TTC6: variants seen among roughly 807,000 people sequenced by gnomAD.
The protein encoded by TTC6 is tetratricopeptide repeat domain 6.
Under a neutral mutation model 210.4 loss-of-function variants are expected in TTC6, and 172 were observed. The observed-to-expected ratio is 0.82, with a 90% confidence interval of 0.72 to 0.93. The LOEUF (loss-of-function observed/expected upper bound fraction) is 0.93, where lower values mean the gene tolerates loss of function less well. Among genes scored for constraint, TTC6 ranks in the 40% least tolerant of loss-of-function variants. The pLI is 0.00. For missense variants in TTC6, 2,414 were observed against 2,318.1 expected (o/e 1.04, Z -0.85); for synonymous variants, 804 against 819.6 (o/e 0.98, Z 0.32).
chr14:37,735,748 C>T (rs986535948), intron 7 of TTC6, among the ~76,000 whole-genome samples, 173 bp from the exon 10 acceptor site: 1 of 152,146 alleles, frequency 6.6e-6, no homozygotes, highest in African/African-American at 2.4e-5. Flanking sequence ...AATACTAAGG[C>T]TATAGCTGGA....
intron 1 of TTC6, among the ~76,000 whole-genome samples, chr14:37,604,653 G>A (rs1373644572): frequency 1.3e-5 from 2 of 152,066 alleles, no homozygotes; most frequent in East Asian, 3.9e-4. Context: ...TTGTGGTTTG[G>A]ATCTAGGAGG....
intron 1 of TTC6, among the ~76,000 whole-genome samples, chr14:37,677,578 A>G (rs1323075220): frequency 6.6e-6 from 1 of 152,080 alleles, no homozygotes; most frequent in East Asian, 1.9e-4. Flanking sequence ...CTCAGAGGTC[A>G]TTGAACTTAG....
intron 5 of TTC6, 130 bp from the exon 8 acceptor site, chr14:37,714,525 C>A: frequency 1.6e-6 from 1 of 607,574 alleles, no homozygotes; most frequent in African/African-American, 1.9e-5. Flanking sequence ...CTGACTTCTA[C>A]ACAATCTCTG....
At chr14:37,729,463 A>G (rs2095880495) in intron 7 of TTC6, among the ~76,000 whole-genome samples, 1 of 152,198 alleles carries the variant, frequency 6.6e-6, no homozygotes, top group Non-Finnish European at 1.5e-5. Context: ...ATTTGCTCCA[A>G]GGCCATGCTT....
At chr14:37,725,310 G>GTGTGTGTATGTATA (rs1555391391) in intron 7 of TTC6, among the ~76,000 whole-genome samples, 1 of 55,732 alleles carries the variant, frequency 1.8e-5, no homozygotes, top group Non-Finnish European at 3.7e-5. Context: ...GTGTGTGTGT[G>GTGTGTGTATGTATA]TGTATATATA....
chr14:37,756,282 T>C (rs1319766972), intron 14 of TTC6, among the ~76,000 whole-genome samples: 2 of 152,196 alleles, frequency 1.3e-5, no homozygotes, highest in East Asian at 3.9e-4. Context: ...TATACAATCA[T>C]GTCGTCTGCA....
intron 1 of TTC6, among the ~76,000 whole-genome samples, chr14:37,651,757 A>G (rs2095713535): frequency 6.6e-6 from 1 of 151,918 alleles, no homozygotes; most frequent in African/African-American, 2.4e-5. Context: ...GTGAGTAGCC[A>G]CTGCACTTCA....
intron 20 of TTC6, among the ~76,000 whole-genome samples, chr14:37,798,328 A>G (rs2096097426): frequency 6.6e-6 from 1 of 151,906 alleles, no homozygotes; most frequent in Admixed American, 6.6e-5. Flanking sequence ...TTACATATCC[A>G]TTGCTAAAAG....
At chr14:37,828,822 C>G (rs2139006534) in intron 29 of TTC6, among the ~76,000 whole-genome samples, 1 of 151,908 alleles carries the variant, frequency 6.6e-6, no homozygotes, top group East Asian at 1.9e-4. Flanking sequence ...AATTAGTTTA[C>G]ATTCATACTT....
chr14:37,665,692 A>G (rs1308723261), intron 1 of TTC6, among the ~76,000 whole-genome samples: 1 of 150,598 alleles, frequency 6.6e-6, no homozygotes, highest in African/African-American at 2.4e-5. Context: ...GGCAAAATTA[A>G]CCTTGAGCAT....
At chr14:37,812,517 G>A in intron 25 of TTC6, 84 bp downstream of exon 27, 2 of 1,326,582 alleles carry the variant, frequency 1.5e-6, no homozygotes, top group Non-Finnish European at 2.0e-6. Context: ...ATTATCAACT[G>A]GCAATATTAA....
At chr14:37,739,969 G>C (rs1566923181) in intron 10 of TTC6, among the ~76,000 whole-genome samples, 1 of 151,736 alleles carries the variant, frequency 6.6e-6, no homozygotes, top group African/African-American at 2.4e-5. Context: ...CGAGACCATC[G>C]TGGCTAACGC....
chr14:37,621,145 G>A (rs1040212060), upstream of TTC6, among the ~76,000 whole-genome samples: 1 of 152,172 alleles, frequency 6.6e-6, no homozygotes, highest in Admixed American at 6.5e-5. Flanking sequence ...TAAGGAAGGG[G>A]ACACCTGGGA....
At chr14:37,721,981 G>A (rs1348936367) in intron 6 of TTC6, among the ~76,000 whole-genome samples, 6 of 147,502 alleles carry the variant, frequency 4.1e-5, no homozygotes, top group Non-Finnish European at 3.0e-5. Flanking sequence ...AGTGAAAAAG[G>A]CAAATAATCT....
At chr14:37,602,459 A>C (rs2095617483) in intron 1 of TTC6, among the ~76,000 whole-genome samples, 1 of 152,068 alleles carries the variant, frequency 6.6e-6, no homozygotes, top group Non-Finnish European at 1.5e-5. Context: ...TTCATCCTTA[A>C]ATTTTATTTG....
intron 1 of TTC6, 146 bp downstream of exon 1, chr14:37,596,154 C>T (rs1331007201): frequency 2.0e-5 from 3 of 152,430 alleles, no homozygotes; most frequent in East Asian, 1.9e-4. Context: ...GCAGGCGGAC[C>T]CAAGTCGGGC....
intron 3 of TTC6, among the ~76,000 whole-genome samples, chr14:37,693,070 T>C (rs1372530580): frequency 6.6e-6 from 1 of 151,834 alleles, no homozygotes; most frequent in African/African-American, 2.4e-5. Context: ...CAGGAAGAAA[T>C]AAAAGGCATC....
intron 1 of TTC6, among the ~76,000 whole-genome samples, chr14:37,597,424 G>A (rs1447558716): frequency 1.3e-5 from 2 of 151,702 alleles, no homozygotes; most frequent in Admixed American, 1.3e-4. Context: ...AGCTTTTATA[G>A]TGCACAAAAA....
chr14:37,806,254 A>T, intron 21 of TTC6, 107 bp from the exon 24 acceptor site: 1 of 1,174,570 alleles, frequency 8.5e-7, no homozygotes, highest in Non-Finnish European at 1.1e-6. Flanking sequence ...TAATCCAAAA[A>T]TAGAGTGAAA....
Sources: gnomAD v4.1 joint callset for allele counts (sites outside exome capture counted in the v4.1 genomes callset) on GRCh38, gnomAD v4.1.1 for gene constraint, MANE v1.5 for transcripts, NCBI Gene and HGNC (gene_info 2026-07-23, HGNC 2026-07-21) for gene names.